The following BIN1 variants were observed in gnomAD, a reference collection of about 807,000 sequenced individuals.
BIN1 encodes myc box-dependent-interacting protein 1.
Under a neutral mutation model 82.0 loss-of-function variants are expected in BIN1, and 53 were observed. The ratio of observed to expected loss-of-function variants is 0.65; its 90% CI spans 0.52 to 0.81. BIN1 has a LOEUF of 0.81. Among genes scored for constraint, BIN1 ranks in the 40% least tolerant of loss-of-function variants. The probability of loss-of-function intolerance (pLI) is 0.00; values close to 1 mark genes in which losing one functional copy is unlikely to be tolerated. For missense variants in BIN1, 642 were observed against 784.4 expected (o/e 0.82, Z 2.17); for synonymous variants, 302 against 328.0 (o/e 0.92, Z 0.86).
At position 127,063,566 on chromosome 2, in the gene BIN1, C is replaced by T; in HGVS notation, c.774+5G>A. ...TGGCCCCTCAGAGGGGTCCCCATGG[C>T]CTACCTTGCTCATCTCCTTGTGGAA... On this transcript the variant is annotated splice_donor_5th_base_variant and intron_variant, in intron 9 of 18. Coordinates refer to ENST00000316724, the MANE Select transcript of BIN1 (RefSeq NM_139343.3). The T allele has an allele frequency of 1.2e-6, 2 of 1,613,696 alleles. No homozygotes were observed. Among genetic ancestry groups the T allele is most frequent in the South Asian group, 1.1e-5 (1 of 90,948 alleles).
At chr2:127,052,711 A>G in intron 14 of BIN1, 1 of 359,542 alleles carries the variant, frequency 2.8e-6, no homozygotes. Flanking sequence ...CTGCCAGCGC[A>G]TGCCCCAAGG....
rs1391982523 is a variant in BIN1, at chr2:127,070,599, T to C, written c.269A>G (p.Tyr90Cys). Residue 90 changes from tyrosine (Y) to cysteine (C), a missense_variant, in exon 4 of 19, where the codon TAT (tyrosine) becomes TGT (cysteine). Tyr to Cys is a radical substitution (Grantham distance 194). Coordinates refer to ENST00000316724, the MANE Select transcript of BIN1 (RefSeq NM_139343.3). ...ATCCCTGCCGGGCCAATCGGGCTCA[T>C]ACACCTCCTGCAGACACTCATTCAG... ...KKLNECLQEV[Y>C]EPDWPGRDEA... 1 of 1,614,092 alleles carries C rather than the reference T, an allele frequency of 6.2e-7. No individual in the cohort carries two copies. Among genetic ancestry groups the C allele is most frequent in the Non-Finnish European group, 8.5e-7 (1 of 1,180,004 alleles).
chr2:127,062,054 G>A (rs1684564610), intron 10 of BIN1, 61 bp downstream of exon 10: 10 of 1,539,614 alleles, frequency 6.5e-6, no homozygotes, highest in Non-Finnish European at 8.8e-6. Context: ...AGGGTCACAG[G>A]AAGGAGCCCT....
chr2:127,106,312 T>C (rs955642904), intron 1 of BIN1, among the ~76,000 whole-genome samples: 1 of 152,204 alleles, frequency 6.6e-6, no homozygotes, highest in African/African-American at 2.4e-5. Context: ...CAATCCCTCC[T>C]TCGGCCCACG....
At chr2:127,092,827 G>A (rs1679108906) in intron 1 of BIN1, among the ~76,000 whole-genome samples, 1 of 152,202 alleles carries the variant, frequency 6.6e-6, no homozygotes, top group Non-Finnish European at 1.5e-5. Flanking sequence ...AGAGAGGACA[G>A]AGGTCCCAGA....
At chr2:127,083,776 G>A (rs1677762843) in intron 1 of BIN1, among the ~76,000 whole-genome samples, 1 of 152,128 alleles carries the variant, frequency 6.6e-6, no homozygotes. Flanking sequence ...CGTGATACTG[G>A]TATCTTTTTA....
In BIN1 at chr2:127,062,326, G is replaced by A. The variant is rs906558433; in HGVS notation, c.775-129C>T. The A allele has an allele frequency of 5.4e-6, 5 of 932,910 alleles. No individual in the cohort carries two copies. In the African/African-American group the frequency reaches 8.2e-5, roughly 15 times the overall value. 57.8% of individuals were successfully genotyped at this position (932,910 alleles called of 1,614,324 possible). On this transcript the variant is annotated intron_variant, in intron 9 of 18. Coordinates refer to ENST00000316724, the MANE Select transcript of BIN1 (RefSeq NM_139343.3). ...GGAACAAGCTCCTCTTTCCCCATCT[G>A]TGAGAGCAAGGAACTAGCACACCAA...
intron 7 of BIN1, 71 bp from the exon 8 acceptor site, chr2:127,064,089 C>T (rs946574316): frequency 4.5e-6 from 7 of 1,562,922 alleles, no homozygotes; most frequent in Non-Finnish European, 6.2e-6. Flanking sequence ...CCAGTCCTCC[C>T]ACCTCCTGCC....
intron 1 of BIN1, among the ~76,000 whole-genome samples, chr2:127,076,988 G>C (rs952721473): frequency 2.0e-5 from 3 of 152,174 alleles, no homozygotes; most frequent in African/African-American, 4.8e-5. Flanking sequence ...AGGCTTCAAA[G>C]ATGGCAAGAA....
intron 1 of BIN1, among the ~76,000 whole-genome samples, chr2:127,106,032 G>T (rs1349196588): frequency 6.6e-6 from 1 of 152,252 alleles, no homozygotes; most frequent in East Asian, 1.9e-4. Context: ...TGGGCACCCT[G>T]GGAGGCCCCG....
At chr2:127,083,217 C>A (rs1341129136) in intron 1 of BIN1, among the ~76,000 whole-genome samples, 1 of 151,900 alleles carries the variant, frequency 6.6e-6, no homozygotes, top group Non-Finnish European at 1.5e-5. Flanking sequence ...TCCCGAGTAG[C>A]TGGGACTACA....
chr2:127,105,530 G>A (rs1370086505), intron 1 of BIN1, among the ~76,000 whole-genome samples: 1 of 146,930 alleles, frequency 6.8e-6, no homozygotes, highest in Non-Finnish European at 1.5e-5. Context: ...TTGGGGAGCT[G>A]GGTCTGGGCA....
At chr2:127,062,799 CTT>C (rs1198150530) in intron 9 of BIN1, among the ~76,000 whole-genome samples, 5 of 152,170 alleles carry the variant, frequency 3.3e-5, no homozygotes, top group Admixed American at 6.5e-5. Flanking sequence ...ATTTTTTAAA[CTT>C]TTCGTAAGTT....
At chr2:127,060,781 G>T in intron 10 of BIN1, 2 of 1,140,350 alleles carry the variant, frequency 1.8e-6, no homozygotes, top group Non-Finnish European at 2.6e-6. Context: ...CAGAGGCCTT[G>T]CACAGGGCCT....
In BIN1 at chr2:127,106,972, G is replaced by A. The variant is rs1573851077; in HGVS notation, c.-29C>T. ...GGCGCAGGCCTCGCCCGGTGGCAGG[G>A]GCCGCTCTCGCGCGGGGAGATCTTG... On this transcript the variant is annotated 5_prime_UTR_variant, in exon 1 of 19. Coordinates refer to ENST00000316724, the MANE Select transcript of BIN1 (RefSeq NM_139343.3). 3 of 1,598,076 alleles carry A rather than the reference G, an allele frequency of 1.9e-6. No homozygotes were observed. Among genetic ancestry groups the A allele is most frequent in the African/African-American group, 1.4e-5 (1 of 73,374 alleles).
intron 1 of BIN1, among the ~76,000 whole-genome samples, chr2:127,092,105 C>A (rs943118735): frequency 4.6e-5 from 7 of 151,976 alleles, no homozygotes; most frequent in Non-Finnish European, 7.4e-5. Flanking sequence ...CTCCACCACA[C>A]CCCTACACCC....
chr2:127,067,878 G>A lies in BIN1; in HGVS notation c.612+285C>T, dbSNP rs550825986. Among the ~76,000 whole-genome samples, 11 of 152,184 alleles carry A rather than the reference G, an allele frequency of 7.2e-5. No homozygotes were observed. Among genetic ancestry groups the A allele is most frequent in the Non-Finnish European group, 1.5e-4 (10 of 68,020 alleles). ...AGGACAATGGCTCAAAGGCATTCCT[G>A]GACCACTAGGATTTCAGAGGAGTCT... On this transcript the variant is annotated intron_variant, in intron 7 of 18. Coordinates refer to ENST00000316724, the MANE Select transcript of BIN1 (RefSeq NM_139343.3). This position sits in a 1 kb window ranked among gnomAD's most constrained non-coding sequence, Gnocchi z 4.7.
intron 10 of BIN1, chr2:127,060,741 G>A (rs773694446): frequency 1.4e-4 from 202 of 1,466,350 alleles, no homozygotes; most frequent in Middle Eastern, 1.2e-3. Context: ...CTGCTCAGAG[G>A]ACAAAGGGGC....
At chr2:127,088,962 G>T (rs531851188) in intron 1 of BIN1, among the ~76,000 whole-genome samples, 1 of 152,116 alleles carries the variant, frequency 6.6e-6, no homozygotes, top group Non-Finnish European at 1.5e-5. Flanking sequence ...CAGCAAGACC[G>T]GCGTGGCTGA....
Sources: gnomAD v4.1 joint callset for allele counts (sites outside exome capture counted in the v4.1 genomes callset) on GRCh38, gnomAD v4.1.1 for gene constraint, Gnocchi (gnomAD v3.1) non-coding constraint, MANE v1.5 for transcripts, NCBI Gene and HGNC (gene_info 2026-07-23, HGNC 2026-07-21) for gene names.